The following PCGF3 variants were observed in gnomAD, a reference collection of about 807,000 sequenced individuals.
PCGF3 encodes polycomb group ring finger 3.
PCGF3 carries 7 observed loss-of-function variants against 33.1 expected under a neutral mutation model. The ratio of observed to expected loss-of-function variants is 0.21; its 90% CI spans 0.12 to 0.40. PCGF3 has a LOEUF of 0.40. Ranked by LOEUF, PCGF3 falls within the 10% of genes least tolerant of loss-of-function variation. The pLI is 1.00. For missense variants in PCGF3, 211 were observed against 313.3 expected (o/e 0.67, Z 2.46); for synonymous variants, 153 against 121.3 (o/e 1.26, Z -1.72).
At chr4:712,242 A>G (rs1742601428) in intron 1 of PCGF3, among the ~76,000 whole-genome samples, 1 of 152,250 alleles carries the variant, frequency 6.6e-6, no homozygotes, top group Non-Finnish European at 1.5e-5. Context: ...ACAGAACTGA[A>G]TTATGCAAAT....
At chr4:713,962 A>G (rs1440961124) in intron 1 of PCGF3, among the ~76,000 whole-genome samples, 1 of 152,216 alleles carries the variant, frequency 6.6e-6, no homozygotes, top group Non-Finnish European at 1.5e-5. Context: ...GCAATACAGA[A>G]AAATGGAGAA....
intron 8 of PCGF3, among the ~76,000 whole-genome samples, chr4:754,155 C>G (rs528848331): frequency 6.6e-6 from 1 of 152,100 alleles, no homozygotes; most frequent in Non-Finnish European, 1.5e-5. Context: ...TGTCCCAGCA[C>G]CAGAAACAGG....
chr4:744,498 T>TA, intron 7 of PCGF3, 102 bp from the exon 8 acceptor site: 1 of 880,542 alleles, frequency 1.1e-6, no homozygotes, highest in Non-Finnish European at 1.8e-6. Context: ...CAGAGTCTCT[T>TA]AATGGAGTGA....
At chr4:713,912 A>G (rs547281372) in intron 1 of PCGF3, among the ~76,000 whole-genome samples, 1 of 152,274 alleles carries the variant, frequency 6.6e-6, no homozygotes, top group South Asian at 2.1e-4. Flanking sequence ...AGTGATTTTA[A>G]TTTACTTTTT....
intron 5 of PCGF3, 73 bp downstream of exon 5, chr4:735,100 C>T (rs1475272292): frequency 6.6e-6 from 10 of 1,506,502 alleles, no homozygotes; most frequent in African/African-American, 1.4e-5. Context: ...TGGGCCTTCC[C>T]AGGCCATTAG....
chr4:729,414 C>G (rs1301547173), intron 1 of PCGF3, among the ~76,000 whole-genome samples: 1 of 139,130 alleles, frequency 7.2e-6, no homozygotes, highest in African/African-American at 2.7e-5. Flanking sequence ...GATCCTGTCT[C>G]AAAAAAAAAA....
chr4:721,129 G>T lies in PCGF3; in HGVS notation c.-189-9501G>T, dbSNP rs2109549590. ...GGGAGGGAACGCTGCTTGTCGGGCG[G>T]TGGTGACGATTTCATGGATGTTTGT... is the stretch of plus-strand genomic sequence containing the variant. On this transcript the variant is annotated intron_variant, in intron 1 of 10. Coordinates refer to ENST00000362003, the Ensembl canonical transcript of PCGF3. This position sits in a 1 kb window ranked among gnomAD's most constrained non-coding sequence, Gnocchi z 4.1. Among the ~76,000 whole-genome samples, 1 of 152,090 alleles carries T rather than the reference G, an allele frequency of 6.6e-6. No homozygotes were observed. The highest frequency in any genetic ancestry group is 2.4e-5 in the African/African-American group (1 of 41,474).
chr4:743,285 G>T (rs1489933444), intron 6 of PCGF3, among the ~76,000 whole-genome samples, 189 bp from the exon 7 acceptor site: 1 of 152,216 alleles, frequency 6.6e-6, no homozygotes, highest in Non-Finnish European at 1.5e-5. Flanking sequence ...TGGGGCGGGT[G>T]CCCGGGGGGT....
chr4:722,754 C>T (rs1230635722), intron 1 of PCGF3, among the ~76,000 whole-genome samples: 3 of 63,514 alleles, frequency 4.7e-5, no homozygotes, highest in Admixed American at 4.3e-4. Flanking sequence ...TCCACACTCG[C>T]GACATCGCCA....
chr4:734,604 A>G, intron 4 of PCGF3: 1 of 1,178,242 alleles, frequency 8.5e-7, no homozygotes, highest in Non-Finnish European at 1.1e-6. Context: ...AAAGTATTGT[A>G]AAATTATCTG....
chr4:714,060 G>T (rs1742698650), intron 1 of PCGF3, among the ~76,000 whole-genome samples: 1 of 152,120 alleles, frequency 6.6e-6, no homozygotes, highest in South Asian at 2.1e-4. Flanking sequence ...GTCAGTGTCA[G>T]GCGTGGGGCC....
intron 6 of PCGF3, 108 bp downstream of exon 6, chr4:737,629 C>A (rs1743892068): frequency 8.3e-6 from 6 of 721,052 alleles, no homozygotes; most frequent in East Asian, 7.6e-5. Flanking sequence ...TCCTTTTGGC[C>A]GAATCACCGT....
exon 11 of PCGF3, chr4:768,277 C>T (rs571618643): frequency 6.5e-6 from 1 of 152,806 alleles, no homozygotes; most frequent in South Asian, 2.1e-4. Context: ...CACTACAGGA[C>T]TCGGCCCTGG....
intron 1 of PCGF3, among the ~76,000 whole-genome samples, chr4:729,813 A>G (rs757561233): frequency 6.6e-6 from 1 of 152,190 alleles, no homozygotes; most frequent in Non-Finnish European, 1.5e-5. Flanking sequence ...GCATGAAAGT[A>G]TTTAATCTCT....
chr4:728,014 TC>T (rs1318011479), intron 1 of PCGF3, among the ~76,000 whole-genome samples: 6 of 152,200 alleles, frequency 3.9e-5, no homozygotes, highest in Non-Finnish European at 8.8e-5. Flanking sequence ...TTCTGGAACT[TC>T]CTGGGTTTTC....
intron 1 of PCGF3, among the ~76,000 whole-genome samples, chr4:715,707 C>T (rs865946406): frequency 0.021 from 1,792 of 84,024 alleles, 8 homozygotes; most frequent in Non-Finnish European, 0.03. Context: ...GTGCTGGGAC[C>T]CTGTAGACAC....
At chr4:733,723 A>G (rs745974154) in exon 4 of PCGF3, 11 of 1,611,582 alleles carry the variant, frequency 6.8e-6, no homozygotes, top group African/African-American at 1.3e-5. Context: ...CAACGCCCAC[A>G]TCACCTGCCG....
chr4:713,717 T>C (rs1742683111), intron 1 of PCGF3, among the ~76,000 whole-genome samples: 1 of 152,148 alleles, frequency 6.6e-6, no homozygotes, highest in African/African-American at 2.4e-5. Context: ...TCATGGATGC[T>C]GTGTGGAGCT....
exon 11 of PCGF3, chr4:766,217 A>G: frequency 1.5e-6 from 1 of 663,950 alleles, no homozygotes; most frequent in Non-Finnish European, 2.6e-6. Flanking sequence ...TGTATGAGAG[A>G]GAATTCACAC....
Sources: allele counts gnomAD v4.1 joint callset (sites outside exome capture counted in the v4.1 genomes callset), GRCh38; gene constraint gnomAD v4.1.1; non-coding constraint Gnocchi (gnomAD v3.1); transcripts MANE v1.5; gene names NCBI Gene and HGNC (gene_info 2026-07-23, HGNC 2026-07-21).